Variants in CREG2 observed in about 807,000 individuals in gnomAD.
The protein encoded by CREG2 is protein CREG2.
CREG2 carries 24 observed loss-of-function variants against 26.2 expected under a neutral mutation model. The observed-to-expected ratio is 0.92, with a 90% CI of 0.66 to 1.29. The LOEUF (loss-of-function observed/expected upper bound fraction) is 1.29. CREG2 is among the 50% of genes most tolerant of loss of function. The pLI, the probability that CREG2 is intolerant of heterozygous loss-of-function variation, is 0.00. For synonymous variants in CREG2, 174 were observed against 169.2 expected, an observed-to-expected ratio of 1.03 and a Z score of -0.22; for missense variants, 366 against 398.6, an observed-to-expected ratio of 0.92 and a Z score of 0.70.
chr2:101,376,729 A>C (rs1684797598), intron 2 of CREG2, among the ~76,000 whole-genome samples: 1 of 152,210 alleles, frequency 6.6e-6, no homozygotes, highest in Non-Finnish European at 1.5e-5. Flanking sequence ...CTTTTAATTT[A>C]ATAATCTCTT....
At chr2:101,380,212 T>C (rs1217954697) in intron 2 of CREG2, among the ~76,000 whole-genome samples, 1 of 152,238 alleles carries the variant, frequency 6.6e-6, no homozygotes, top group Non-Finnish European at 1.5e-5. Context: ...GAAAGTAGCC[T>C]GTCCTCGGAA....
At chr2:101,355,686 G>A (rs1684446849) in intron 2 of CREG2, among the ~76,000 whole-genome samples, 1 of 151,826 alleles carries the variant, frequency 6.6e-6, no homozygotes, top group Non-Finnish European at 1.5e-5. Flanking sequence ...ACCCCCTCGA[G>A]GGACTTGCGA....
At chr2:101,374,757 C>A (rs1036494311) in intron 2 of CREG2, among the ~76,000 whole-genome samples, 1 of 152,236 alleles carries the variant, frequency 6.6e-6, no homozygotes. Context: ...CCAGGCCTGC[C>A]TTTGGAATTA....
intron 2 of CREG2, among the ~76,000 whole-genome samples, chr2:101,361,189 A>G (rs1684534161): frequency 6.6e-6 from 1 of 152,234 alleles, no homozygotes; most frequent in East Asian, 1.9e-4. Flanking sequence ...TATATTTTAA[A>G]AGGCAAATAG....
In CREG2 at chr2:101,351,056, C is replaced by T; in HGVS notation, c.740G>A (p.Arg247Lys). The T allele has an allele frequency of 6.2e-7, 1 of 1,614,090 alleles. No homozygotes were observed. The highest frequency in any genetic ancestry group is 2.2e-5 in the East Asian group (1 of 44,886). Residue 247 changes from arginine to lysine, a missense_variant, in exon 4 of 4, where the codon AGG becomes AAG. Around this residue, in one of 3 missense-constraint regions of CREG2, gnomAD observed 174 missense variants for 178.2 expected, o/e 0.98. Coordinates refer to ENST00000324768, the MANE Select transcript of CREG2 (RefSeq NM_153836.4). ...QAMFSRHPGM[R>K]KWPRQYEWFF... ...CCATTCATATTGACGAGGCCACTTC[C>T]TCATCCCTGGGTGCCTGCAGGAATA... is the stretch of plus-strand genomic sequence containing the variant.
intron 2 of CREG2, among the ~76,000 whole-genome samples, chr2:101,373,550 C>G (rs1684744071): frequency 1.3e-5 from 2 of 152,254 alleles, no homozygotes; most frequent in Middle Eastern, 3.4e-3. Flanking sequence ...TGTGTCATTT[C>G]TGCTTAAGAT....
In CREG2 at chr2:101,368,508, T is replaced by C. The variant is rs1030623901; in HGVS notation, c.612-13142A>G. On this transcript the variant is annotated intron_variant, in intron 2 of 3. Coordinates refer to ENST00000324768, the MANE Select transcript of CREG2 (RefSeq NM_153836.4). ...AGGGCTGCAGACAGCAAGAAAGACG[T>C]GGTCCTGGCCTCTGGGGAGCTGCAC... is the stretch of plus-strand genomic sequence containing the variant. Among the ~76,000 whole-genome samples the C allele has an allele frequency of 1.3e-5, 2 of 152,230 alleles. 1 individual carries two copies. Among genetic ancestry groups the C allele is most frequent in the South Asian group, 4.1e-4 (2 of 4,824 alleles).
intron 2 of CREG2, among the ~76,000 whole-genome samples, chr2:101,381,252 G>A (rs1684868650): frequency 6.6e-6 from 1 of 152,160 alleles, no homozygotes; most frequent in African/African-American, 2.4e-5. Flanking sequence ...TTGGGTAGCT[G>A]CGGACACTTC....
chr2:101,381,746 C>T (rs1444658852), intron 2 of CREG2, among the ~76,000 whole-genome samples: 3 of 152,234 alleles, frequency 2.0e-5, no homozygotes, highest in Non-Finnish European at 4.4e-5. Flanking sequence ...TTGCCCTTGG[C>T]CCCGGGGTGC....
In CREG2 at chr2:101,387,381, A is replaced by G. The variant is rs745709842; in HGVS notation, c.77T>C (p.Leu26Pro). ...LSWLLCCSAL[L>P]SPAAGYVIVS... ...GATCACGTAGCCCGCGGCCGGGGAC[A>G]GCAGGGCGCTGCAGCACAGCAGCCA... Residue 26 changes from leucine to proline, a missense_variant, in exon 1 of 4, where the codon CTG becomes CCG. Leu to Pro is a moderately conservative substitution (Grantham distance 98). Coordinates refer to ENST00000324768, the MANE Select transcript of CREG2 (RefSeq NM_153836.4). The surrounding 1 kb of genome is among the most constrained non-coding windows in gnomAD (Gnocchi z 4.7). 27 of 1,406,068 alleles carry G rather than the reference A, an allele frequency of 1.9e-5. No homozygotes were observed. The highest frequency in any genetic ancestry group is 1.8e-4 in the African/African-American group (12 of 65,932). 87.1% of individuals were successfully genotyped at this position (1,406,068 alleles called of 1,614,324 possible).
Position 101,347,073 on chromosome 2 carries a change from G to A in CREG2, c.*3850C>T, listed in dbSNP as rs1032871067. 6.6e-6 allele frequency: 1 copy of A among 152,152 alleles called. No homozygotes were observed. The highest frequency in any genetic ancestry group is 1.5e-5 in the Non-Finnish European group (1 of 68,034). The allele number at this position is 152,152 out of a possible 1,614,324, so 9.4% of individuals were successfully genotyped here. ...AATGTTATGTAAATGGAATCATACA[G>A]TGTGCAAACTTTTATGATTGGCTTT... On this transcript the variant is annotated 3_prime_UTR_variant, in exon 4 of 4. Coordinates refer to ENST00000324768, the MANE Select transcript of CREG2 (RefSeq NM_153836.4).
Position 101,350,619 on chromosome 2 carries a change from G to T in CREG2, c.*304C>A. The T allele has an allele frequency of 8.2e-6, 2 of 243,938 alleles. No homozygotes were observed. The highest frequency in any genetic ancestry group is 1.6e-5 in the Non-Finnish European group (2 of 128,102). 15.1% of individuals were successfully genotyped at this position (243,938 alleles called of 1,614,324 possible). ...TTTCCTTAAACAATGAAACAACAAT[G>T]ATCTCAACATGTCATTTTGACCACC... On this transcript the variant is annotated 3_prime_UTR_variant, in exon 4 of 4. Transcript: ENST00000324768.
intron 2 of CREG2, among the ~76,000 whole-genome samples, chr2:101,368,236 C>T (rs931992510): frequency 1.6e-4 from 24 of 149,428 alleles, no homozygotes; most frequent in African/African-American, 5.9e-4. Flanking sequence ...TGCAGTGAGC[C>T]GAGATTGCAC....
At chr2:101,385,112 A>C (rs1209039509) in intron 1 of CREG2, among the ~76,000 whole-genome samples, 2 of 152,188 alleles carry the variant, frequency 1.3e-5, no homozygotes, top group Non-Finnish European at 2.9e-5. Context: ...AGATGGACTA[A>C]GACAGGTGGT....
intron 2 of CREG2, among the ~76,000 whole-genome samples, chr2:101,355,681 C>T (rs1190501083): frequency 6.7e-6 from 1 of 149,172 alleles, no homozygotes; most frequent in Non-Finnish European, 1.5e-5. Flanking sequence ...CCCTGACCCC[C>T]TCGAGGGACT....
chr2:101,362,255 A>G (rs1684553764), intron 2 of CREG2, among the ~76,000 whole-genome samples: 2 of 152,158 alleles, frequency 1.3e-5, no homozygotes, highest in South Asian at 2.1e-4. Flanking sequence ...GCCACACTGG[A>G]TTACAAAGGA....
rs1684896822 is a variant in CREG2 at position 101,382,814 on chromosome 2, C to T, written c.611+719G>A. 6.1e-6 allele frequency: 6 copies of T among 985,288 alleles called. No homozygotes were observed. In the South Asian group the frequency reaches 1.9e-4, roughly 31 times the overall value. 61.0% of individuals were successfully genotyped at this position (985,288 alleles called of 1,614,324 possible). On this transcript the variant is annotated intron_variant, in intron 2 of 3. Transcript: ENST00000324768. The stretch of plus-strand genomic sequence containing the variant: ...TACATTTAGGTGGAGTGACTAAGGT[C>T]CTGGAGGTTAAAGGGCTCACCCCAG...
intron 2 of CREG2, among the ~76,000 whole-genome samples, chr2:101,371,655 G>A (rs1450555637): frequency 6.6e-6 from 1 of 152,202 alleles, no homozygotes; most frequent in Non-Finnish European, 1.5e-5. Flanking sequence ...TTTTACAGGG[G>A]AAGCTTTGCT....
Position 101,382,821 on chromosome 2 carries a change from G to GT in CREG2, c.611+711dup, listed in dbSNP as rs1363250840. The GT allele has an allele frequency of 3.0e-6, 3 of 985,352 alleles. No homozygotes were observed. In the African/African-American group the frequency reaches 5.2e-5, roughly 17 times the overall value. 61.0% of individuals were successfully genotyped at this position (985,352 alleles called of 1,614,324 possible). ...AGGTGGAGTGACTAAGGTCCTGGAG[G>GT]TTAAAGGGCTCACCCCAGGCCATCC... On this transcript the variant is annotated intron_variant, in intron 2 of 3. Transcript: ENST00000324768.
Sources: gnomAD v4.1 joint callset for allele counts (sites outside exome capture counted in the v4.1 genomes callset) on GRCh38, gnomAD v4.1.1 for gene constraint, gnomAD v4.1.1 regional missense constraint, Gnocchi (gnomAD v3.1) non-coding constraint, MANE v1.5 for transcripts, NCBI Gene and HGNC (gene_info 2026-07-23, HGNC 2026-07-21) for gene names.